The following NFE2L3 variants were observed in gnomAD, a reference collection of about 807,000 sequenced individuals.
NFE2L3 encodes the protein NFE2 like bZIP transcription factor 3.
Under a neutral mutation model 23.5 loss-of-function variants are expected in NFE2L3, and 18 were observed. That is an observed-to-expected ratio of 0.77 (90% confidence interval 0.53 to 1.13). The LOEUF (loss-of-function observed/expected upper bound fraction) is 1.13, where lower values mean the gene tolerates loss of function less well. Among genes scored for constraint, NFE2L3 ranks in the 50% most tolerant of loss-of-function variants. NFE2L3 has a pLI of 0.00. For missense variants in NFE2L3, 1,152 were observed against 877.2 expected (o/e 1.31, Z -3.96); for synonymous variants, 424 against 354.5 (o/e 1.20, Z -2.20).
At position 26,185,911 on chromosome 7, in the gene NFE2L3, A is replaced by G. The variant is rs1583943502; in HGVS notation, c.*128A>G. On this transcript the variant is annotated 3_prime_UTR_variant, in exon 4 of 4. Coordinates refer to ENST00000056233, the MANE Select transcript of NFE2L3 (RefSeq NM_004289.7). Reference sequence around the variant, plus strand: ...GTACTGCTACTTGAATAACTCAGTTAACGCTGTTTTGAAGCTTACATGGAC... The same window carrying G: ...GTACTGCTACTTGAATAACTCAGTTGACGCTGTTTTGAAGCTTACATGGAC... The G allele has an allele frequency of 1.2e-6, 1 of 807,160 alleles. No individual in the cohort carries two copies. Among genetic ancestry groups the G allele is most frequent in the East Asian group, 2.8e-5 (1 of 36,322 alleles). 50.0% of individuals were successfully genotyped at this position (807,160 alleles called of 1,614,324 possible).
intron 1 of NFE2L3, among the ~76,000 whole-genome samples, chr7:26,160,058 A>G (rs1054679221): frequency 6.7e-6 from 1 of 148,940 alleles, no homozygotes; most frequent in Non-Finnish European, 1.5e-5. Flanking sequence ...GGCACAAGCC[A>G]TCCTCCTGCC....
rs79352716 is a variant in NFE2L3 at position 26,172,679 on chromosome 7, T to G, written c.571-5264T>G. 1.4e-4 allele frequency among the ~76,000 whole-genome samples: 21 copies of G among 152,318 alleles called. No homozygotes were observed. In the East Asian group the frequency reaches 4.0e-3, roughly 29 times the overall value. On this transcript the variant is annotated intron_variant, in intron 1 of 3. Coordinates refer to ENST00000056233, the MANE Select transcript of NFE2L3 (RefSeq NM_004289.7). The stretch of plus-strand genomic sequence containing the variant: ...AAAAATGACCCCCAATGTTGATTTA[T>G]CTGATGTTTCCTCAATGATTAGATT...
intron 1 of NFE2L3, 75 bp from the exon 2 acceptor site, chr7:26,177,868 A>C: frequency 2.4e-6 from 3 of 1,274,512 alleles, no homozygotes; most frequent in Non-Finnish European, 3.3e-6. Context: ...GTGGGTTTTC[A>C]TGGTCCCTGA....
intron 2 of NFE2L3, among the ~76,000 whole-genome samples, chr7:26,182,857 T>C (rs1218962383): frequency 6.6e-6 from 1 of 152,178 alleles, no homozygotes; most frequent in African/African-American, 2.4e-5. Flanking sequence ...GTGGCAGCGC[T>C]GTCACGACTC....
At chr7:26,181,845 G>A (rs1175052309) in intron 2 of NFE2L3, among the ~76,000 whole-genome samples, 1 of 152,140 alleles carries the variant, frequency 6.6e-6, no homozygotes, top group African/African-American at 2.4e-5. Flanking sequence ...CATTTTCATT[G>A]AAAATTCAGT....
Position 26,172,121 on chromosome 7 carries a change from G to C in NFE2L3, c.571-5822G>C, listed in dbSNP as rs1337546809. Reference sequence around the variant, plus strand: ...GAAATAAGAAATTTAAATGTTAGAAGAGTTGAAAATATTAAAGTTTATATG... The same window carrying C: ...GAAATAAGAAATTTAAATGTTAGAACAGTTGAAAATATTAAAGTTTATATG... On this transcript the variant is annotated intron_variant, in intron 1 of 3. Transcript: ENST00000056233. 2.0e-5 allele frequency among the ~76,000 whole-genome samples: 3 copies of C among 152,220 alleles called. No homozygotes were observed. The East Asian group carries it at 5.8e-4, about 29-fold the overall frequency.
rs747018240 is a variant in NFE2L3, at chr7:26,183,730, C to T, written c.780C>T (p.Phe260=). The T allele has an allele frequency of 1.2e-6, 2 of 1,612,340 alleles. No homozygotes were observed. Among genetic ancestry groups the T allele is most frequent in the Non-Finnish European group, 1.7e-6 (2 of 1,178,314 alleles). The part of the protein sequence containing the change: ...ERHLNGTDTS[F]SLEDLFQLLS... ...ATCTGAATGGGACAGATACTTCTTTCTCTCTGGAAGACTTATTCCAGTTGC... is the reference window on the plus strand; with the variant it reads ...ATCTGAATGGGACAGATACTTCTTTTTCTCTGGAAGACTTATTCCAGTTGC... Residue 260 remains phenylalanine, a synonymous_variant, in exon 3 of 4, where the codon TTC becomes TTT. Transcript: ENST00000056233.
At chr7:26,154,549 TTTTTGTTTG>T (rs1000658549) in intron 1 of NFE2L3, among the ~76,000 whole-genome samples, 9 of 152,170 alleles carry the variant, frequency 5.9e-5, no homozygotes, top group Non-Finnish European at 1.2e-4. Flanking sequence ...CTTGGCTGTT[TTTTTGTTTG>T]TTTTGTTTTA....
chr7:26,169,167 C>G (rs187597342), intron 1 of NFE2L3, among the ~76,000 whole-genome samples: 1 of 152,270 alleles, frequency 6.6e-6, no homozygotes, highest in African/African-American at 2.4e-5. Context: ...TCCACTCCTC[C>G]CTGCCTTGAG....
intron 2 of NFE2L3, among the ~76,000 whole-genome samples, chr7:26,178,451 C>A (rs1319807657): frequency 6.6e-6 from 1 of 152,164 alleles, no homozygotes; most frequent in Non-Finnish European, 1.5e-5. Flanking sequence ...CCTCAACCAG[C>A]CACATGCACA....
intron 1 of NFE2L3, among the ~76,000 whole-genome samples, chr7:26,157,649 C>T (rs568796644): frequency 2.7e-4 from 41 of 152,250 alleles, no homozygotes; most frequent in Middle Eastern, 3.4e-3. Context: ...TTATGACAAG[C>T]GTTCACAGTG....
chr7:26,175,812 C>G (rs1583934534), intron 1 of NFE2L3, among the ~76,000 whole-genome samples: 1 of 146,932 alleles, frequency 6.8e-6, no homozygotes, highest in Non-Finnish European at 1.5e-5. Context: ...CATATTTGAT[C>G]AGTGTTTGCT....
Position 26,152,835 on chromosome 7 carries a change from G to T in NFE2L3, c.337G>T (p.Val113Leu), listed in dbSNP as rs1238901832. The change falls in exon 1 of 4, where the codon GTG (valine) becomes TTG (leucine). Residue 113 changes from valine to leucine, a missense_variant. Transcript: ENST00000056233. The surrounding 1 kb of genome is among the most constrained non-coding windows in gnomAD (Gnocchi z 4.4). ...TCGCACCAGCGTGGATGCATGGCTG[G>T]TGCACAGCGTGGCTGCCGGGAGCGC... ...VPRTSVDAWLVHSVAAGSADE... is the reference protein window; with the variant it reads ...VPRTSVDAWLLHSVAAGSADE... 3 of 1,478,626 alleles carry T rather than the reference G, an allele frequency of 2.0e-6. No homozygotes were observed. In the Admixed American group the frequency reaches 7.1e-5, roughly 35 times the overall value. The allele number at this position is 1,478,626 out of a possible 1,614,324, so 91.6% of individuals were successfully genotyped here.
intron 1 of NFE2L3, among the ~76,000 whole-genome samples, chr7:26,163,401 C>T (rs1382203721): frequency 1.3e-5 from 2 of 152,154 alleles, no homozygotes; most frequent in Non-Finnish European, 2.9e-5. Flanking sequence ...GGCTGGGGTG[C>T]AATGGCGCGA....
chr7:26,159,732 C>G (rs1784139834), intron 1 of NFE2L3, among the ~76,000 whole-genome samples: 1 of 152,166 alleles, frequency 6.6e-6, no homozygotes, highest in Non-Finnish European at 1.5e-5. Context: ...AGCAGACTTT[C>G]AGGCTAGCAT....
chr7:26,156,969 G>A (rs546748577), intron 1 of NFE2L3, among the ~76,000 whole-genome samples: 7 of 152,210 alleles, frequency 4.6e-5, no homozygotes, highest in Admixed American at 1.3e-4. Flanking sequence ...AAAATTAGCC[G>A]GGCACGGTGG....
At position 26,184,462 on chromosome 7, in the gene NFE2L3, G is replaced by GTT. The variant is rs1782427840; in HGVS notation, c.835-70_835-69dup. The GTT allele has an allele frequency of 1.1e-5, 15 of 1,388,518 alleles. 1 individual carries two copies. Among genetic ancestry groups the GTT allele is most frequent in the Non-Finnish European group, 1.4e-5 (14 of 1,014,630 alleles). 86.0% of individuals were successfully genotyped at this position (1,388,518 alleles called of 1,614,324 possible). On this transcript the variant is annotated intron_variant, in intron 3 of 3. Transcript: ENST00000056233. Reference sequence around the variant, plus strand: ...GAATTGACAAAAGAGGGGAAAGAAAGTTGTTAGGTAATAGAACTGCTTCAG... The same window carrying GTT: ...GAATTGACAAAAGAGGGGAAAGAAAGTTTTGTTAGGTAATAGAACTGCTTCAG...
chr7:26,161,170 G>A lies in NFE2L3; in HGVS notation c.570+8102G>A, dbSNP rs553730530. On this transcript the variant is annotated intron_variant, in intron 1 of 3. Transcript: ENST00000056233. ...GAATGAATTGGGGCAGTTCCATGTTGAGAAGATCAGACTGAGGAAGGATCA... is the reference window on the plus strand; with the variant it reads ...GAATGAATTGGGGCAGTTCCATGTTAAGAAGATCAGACTGAGGAAGGATCA... Among the ~76,000 whole-genome samples, 82 of 152,240 alleles carry A rather than the reference G, an allele frequency of 5.4e-4. 1 individual carries two copies. Among genetic ancestry groups the A allele is most frequent in the African/African-American group, 1.9e-3 (81 of 41,544 alleles).
chr7:26,176,526 C>G (rs1428729897), intron 1 of NFE2L3, among the ~76,000 whole-genome samples: 1 of 130,352 alleles, frequency 7.7e-6, no homozygotes, highest in Non-Finnish European at 1.6e-5. Context: ...CGGGCAGAGG[C>G]GCTCCTCACA....
Sources: allele counts gnomAD v4.1 joint callset (sites outside exome capture counted in the v4.1 genomes callset), GRCh38; gene constraint gnomAD v4.1.1; non-coding constraint Gnocchi (gnomAD v3.1); transcripts MANE v1.5; gene names NCBI Gene and HGNC (gene_info 2026-07-23, HGNC 2026-07-21).